The following NRG1 variants were observed in gnomAD, a reference collection of about 807,000 sequenced individuals.
NRG1 encodes the protein neuregulin 1.
Under a neutral mutation model 63.8 loss-of-function variants are expected in NRG1, and 18 were observed. The ratio of observed to expected loss-of-function variants is 0.28; its 90% CI spans 0.19 to 0.42. The LOEUF (loss-of-function observed/expected upper bound fraction) is 0.42. Ranked by LOEUF, NRG1 falls within the 10% of genes least tolerant of loss-of-function variation. The probability of loss-of-function intolerance (pLI) is 1.00; values close to 1 mark genes in which losing one functional copy is unlikely to be tolerated. For synonymous variants in NRG1, 302 were observed against 301.3 expected (o/e 1.00, Z -0.02); for missense variants, 762 against 814.7 (o/e 0.94, Z 0.79).
chr8:32,771,706 T>TAA (rs36131405), downstream of NRG1, among the ~76,000 whole-genome samples: 15 of 80,242 alleles, frequency 1.9e-4, no homozygotes, highest in South Asian at 2.5e-3. Flanking sequence ...TCCATTTCTT[T>TAA]AAAAAAAAAA....
intron 1 of NRG1, among the ~76,000 whole-genome samples, chr8:32,499,364 G>A (rs78700195): frequency 2.7e-3 from 416 of 152,286 alleles, no homozygotes; most frequent in Non-Finnish European, 4.6e-3. Context: ...AGTCCAGAAG[G>A]CAGTTAGTTG....
At chr8:31,813,310 G>A (rs1217250910) in intron 1 of NRG1, among the ~76,000 whole-genome samples, 1 of 151,896 alleles carries the variant, frequency 6.6e-6, no homozygotes, top group Admixed American at 6.6e-5. Flanking sequence ...TATGTATGGG[G>A]TACATGTGAT....
intron 1 of NRG1, among the ~76,000 whole-genome samples, chr8:31,881,320 T>C (rs1416139617): frequency 6.6e-6 from 1 of 152,174 alleles, no homozygotes; most frequent in Non-Finnish European, 1.5e-5. Flanking sequence ...TTGATGTTAA[T>C]ATTGTAATTG....
At chr8:31,862,925 A>G (rs1261836074) in intron 1 of NRG1, among the ~76,000 whole-genome samples, 1 of 152,188 alleles carries the variant, frequency 6.6e-6, no homozygotes, top group African/African-American at 2.4e-5. Context: ...TATTGGTTGT[A>G]GTGTTGTCTA....
At chr8:31,705,185 C>CG (rs1811027450) in intron 1 of NRG1, among the ~76,000 whole-genome samples, 1 of 151,868 alleles carries the variant, frequency 6.6e-6, no homozygotes, top group Non-Finnish European at 1.5e-5. Flanking sequence ...TACAGTCGTG[C>CG]GCCACCACAC....
intron 1 of NRG1, among the ~76,000 whole-genome samples, chr8:31,690,410 T>G (rs1809375381): frequency 6.6e-6 from 1 of 152,198 alleles, no homozygotes; most frequent in Non-Finnish European, 1.5e-5. Context: ...GAGTTAGTCA[T>G]GTGGGCAACT....
At chr8:31,884,156 T>C (rs1176139869) in intron 1 of NRG1, among the ~76,000 whole-genome samples, 1 of 152,156 alleles carries the variant, frequency 6.6e-6, no homozygotes, top group African/African-American at 2.4e-5. Flanking sequence ...TTCTGGGAAA[T>C]ATTAGGAATG....
chr8:31,813,184 A>G (rs1029797300), intron 1 of NRG1, among the ~76,000 whole-genome samples: 5 of 152,208 alleles, frequency 3.3e-5, no homozygotes, highest in African/African-American at 1.2e-4. Flanking sequence ...AAGGATGAAC[A>G]TTTCTAGTTC....
chr8:31,777,114 A>G (rs1340985582), intron 1 of NRG1, among the ~76,000 whole-genome samples: 3 of 152,174 alleles, frequency 2.0e-5, no homozygotes, highest in Non-Finnish European at 4.4e-5. Context: ...GACCACATCC[A>G]AAATCCCAAG....
At chr8:31,970,953 A>C (rs1399154686) in intron 1 of NRG1, among the ~76,000 whole-genome samples, 1 of 151,994 alleles carries the variant, frequency 6.6e-6, no homozygotes, top group Non-Finnish European at 1.5e-5. Flanking sequence ...CTGAGGCAGG[A>C]GAATGGCGTG....
chr8:31,846,268 G>A (rs1826679809), intron 1 of NRG1, among the ~76,000 whole-genome samples: 1 of 152,208 alleles, frequency 6.6e-6, no homozygotes, highest in Non-Finnish European at 1.5e-5. Context: ...GATGCTGTTT[G>A]GATCTTGAGT....
intron 1 of NRG1, among the ~76,000 whole-genome samples, chr8:32,453,446 C>G (rs1375160438): frequency 1.3e-5 from 2 of 152,148 alleles, no homozygotes; most frequent in Non-Finnish European, 2.9e-5. Flanking sequence ...GCATTAGGGC[C>G]TCCCACATAA....
intron 1 of NRG1, among the ~76,000 whole-genome samples, chr8:31,897,942 C>T (rs892492623): frequency 2.0e-5 from 3 of 148,254 alleles, no homozygotes; most frequent in South Asian, 2.1e-4. Flanking sequence ...ACTTGAACCC[C>T]GGAGACAGAG....
chr8:32,432,650 C>T (rs946191346), intron 1 of NRG1, among the ~76,000 whole-genome samples: 7 of 152,094 alleles, frequency 4.6e-5, no homozygotes, highest in Non-Finnish European at 1.0e-4. Flanking sequence ...GCTGGGACTA[C>T]AGGTGTGCAC....
chr8:31,788,274 C>A (rs1054014570), intron 1 of NRG1, among the ~76,000 whole-genome samples: 1 of 152,028 alleles, frequency 6.6e-6, no homozygotes, highest in Non-Finnish European at 1.5e-5. Flanking sequence ...GGCTTTTTCC[C>A]TCCTTTACAT....
At chr8:31,739,675 C>G (rs1262516202) in intron 1 of NRG1, among the ~76,000 whole-genome samples, 1 of 152,060 alleles carries the variant, frequency 6.6e-6, no homozygotes, top group South Asian at 2.1e-4. Flanking sequence ...TTGGGGGGAG[C>G]ATGACATCTA....
At chr8:32,557,867 G>T (rs927926492) in intron 1 of NRG1, among the ~76,000 whole-genome samples, 3 of 152,182 alleles carry the variant, frequency 2.0e-5, no homozygotes, top group Non-Finnish European at 2.9e-5. Context: ...AGAAATGGGA[G>T]ACTTATGTCT....
At chr8:31,801,080 C>T in intron 1 of NRG1, among the ~76,000 whole-genome samples, 1 of 151,640 alleles carries the variant, frequency 6.6e-6, no homozygotes, top group East Asian at 1.9e-4. Flanking sequence ...ATCTCCTGAC[C>T]TCGTGATCCA....
In NRG1 at chr8:31,790,466, C is replaced by T. The variant is rs956460858; in HGVS notation, c.37+151035C>T. On this transcript the variant is annotated intron_variant, in intron 1 of 10. Coordinates refer to the NRG1 transcript ENST00000519301. ...TGCTGATCATCATAATCTGGGTATG[C>T]AGATTTACCTACATAATTTTAGGCA... 2.6e-5 allele frequency among the ~76,000 whole-genome samples: 4 copies of T among 152,136 alleles called. 1 individual carries two copies. The highest frequency in any genetic ancestry group is 3.8e-4 in the East Asian group (2 of 5,200).
Sources: gnomAD v4.1 joint callset for allele counts (sites outside exome capture counted in the v4.1 genomes callset) on GRCh38, gnomAD v4.1.1 for gene constraint, MANE v1.5 for transcripts, NCBI Gene and HGNC (gene_info 2026-07-23, HGNC 2026-07-21) for gene names.